The following EPG5 variants were observed in gnomAD, a reference collection of about 807,000 sequenced individuals.
The protein encoded by EPG5 is ectopic P-granules 5 autophagy tethering factor.
In EPG5, 159 loss-of-function variants were observed where a neutral mutation model predicts 302.7. The ratio of observed to expected loss-of-function variants is 0.53; its 90% confidence interval spans 0.46 to 0.60. EPG5 has a LOEUF of 0.60. Ranked by LOEUF, EPG5 falls within the 20% of genes least tolerant of loss-of-function variation. EPG5 has a pLI of 0.00. For missense variants in EPG5, 2,896 were observed against 3,092.4 expected (o/e 0.94, Z 1.51); for synonymous variants, 1,158 against 1,136.8 (o/e 1.02, Z -0.37).
In EPG5 at chr18:45,878,422, T is replaced by C; in HGVS notation, c.5896A>G (p.Ile1966Val). Residue 1966 changes from isoleucine (I) to valine (V), a missense_variant, in exon 34 of 44, where the codon ATT becomes GTT. Ile to Val is a conservative substitution (Grantham distance 29). Transcript: ENST00000282041. The stretch of plus-strand genomic sequence containing the variant: ...AGGATCCATGGCTTAAAGAGCTGAA[T>C]GATTACTGAATGTAGGGATTTCAGC... ...TVLKSLHSVI[I>V]QLFKPWILVL... is the part of the protein sequence containing the mutation. 6.2e-7 allele frequency: 1 copy of C among 1,612,630 alleles called. No homozygotes were observed.
rs2048423050 is a variant in EPG5 at position 45,851,585 on chromosome 18, T to G, written c.*882A>C. 6.6e-6 allele frequency: 1 copy of G among 152,218 alleles called. No homozygotes were observed. Among genetic ancestry groups the G allele is most frequent in the African/African-American group, 2.4e-5 (1 of 41,444 alleles). The allele number at this position is 152,218 out of a possible 1,614,324, so 9.4% of individuals were successfully genotyped here. The stretch of plus-strand genomic sequence containing the variant: ...TCCCTCAGTCTCTGTCTCCTGACAC[T>G]GAGCCTTTCAGATATCGAACATGGT... On this transcript the variant is annotated 3_prime_UTR_variant, in exon 44 of 44. Coordinates refer to ENST00000282041, the MANE Select transcript of EPG5 (RefSeq NM_020964.3).
At chr18:45,925,970 A>G (rs1268411720) in intron 13 of EPG5, 68 bp from the exon 14 acceptor site, 3 of 1,004,346 alleles carry the variant, frequency 3.0e-6, no homozygotes, top group South Asian at 4.5e-5. Context: ...CTACAATATT[A>G]TATTATTAAA....
chr18:45,933,625 C>G (rs1018215818), intron 11 of EPG5, among the ~76,000 whole-genome samples: 1 of 151,140 alleles, frequency 6.6e-6, no homozygotes, highest in Non-Finnish European at 1.5e-5. Flanking sequence ...TTGCAGGGAG[C>G]TGAAGTTGCA....
chr18:45,924,683 T>C (rs1405140176), intron 14 of EPG5, among the ~76,000 whole-genome samples: 1 of 152,242 alleles, frequency 6.6e-6, no homozygotes, highest in Non-Finnish European at 1.5e-5. Flanking sequence ...AGCAAACCCT[T>C]AATAATAACC....
At chr18:45,926,921 C>T (rs1320101487) in intron 13 of EPG5, among the ~76,000 whole-genome samples, 1 of 152,020 alleles carries the variant, frequency 6.6e-6, no homozygotes, top group African/African-American at 2.4e-5. Flanking sequence ...TGGAATTCAT[C>T]CACTAATCAC....
At chr18:45,870,514 C>T (rs1257877706) in intron 36 of EPG5, 53 bp downstream of exon 36, 11 of 1,533,438 alleles carry the variant, frequency 7.2e-6, no homozygotes, top group Non-Finnish European at 9.8e-6. Context: ...GACCAGGCTG[C>T]TCCCTAGAAG....
Position 45,870,585 on chromosome 18 carries a change from G to C in EPG5, c.6207C>G (p.Leu2069=). The C allele has an allele frequency of 6.2e-7, 1 of 1,613,490 alleles. No individual in the cohort carries two copies. The highest frequency in any genetic ancestry group is 8.5e-7 in the Non-Finnish European group (1 of 1,179,568). The change falls in exon 36 of 44, where the codon CTC becomes CTG. Residue 2069 remains leucine (L), a synonymous_variant. Transcript: ENST00000282041. ...PWKDLHPDQM[L]MEAFFKVERG... ...GGCTTACTTTGAAGAAGGCCTCCAT[G>C]AGCATCTGGTCAGGGTGCAGGTCCT...
chr18:45,960,876 G>GA (rs2051133439), intron 1 of EPG5, among the ~76,000 whole-genome samples: 1 of 151,976 alleles, frequency 6.6e-6, no homozygotes, highest in Admixed American at 6.6e-5. Flanking sequence ...TTCATCACTT[G>GA]AAAAAAACAT....
chr18:45,901,216 G>A (rs1390114861), intron 25 of EPG5, 49 bp from the exon 26 acceptor site: 1 of 1,518,540 alleles, frequency 6.6e-7, no homozygotes, highest in Non-Finnish European at 9.1e-7. Context: ...TGAATTAGCA[G>A]GAGAACAGAA....
intron 19 of EPG5, 142 bp downstream of exon 19, chr18:45,915,867 G>A (rs916474205): frequency 4.8e-6 from 4 of 830,302 alleles, no homozygotes; most frequent in East Asian, 5.3e-5. Flanking sequence ...TACGATTATC[G>A]GGATAAGGTA....
intron 1 of EPG5, 50 bp downstream of exon 1, chr18:45,967,127 G>A (rs1396680271): frequency 1.3e-6 from 2 of 1,537,562 alleles, no homozygotes; most frequent in Non-Finnish European, 8.8e-7. Flanking sequence ...AGAGGAGCAA[G>A]GAGACACAGC....
In EPG5 at chr18:45,917,672, CACTT is replaced by C. The variant is rs2050063658; in HGVS notation, c.3239+3_3239+6del. On this transcript the variant is annotated splice_donor_5th_base_variant and intron_variant, in intron 17 of 43. Coordinates refer to ENST00000282041, the MANE Select transcript of EPG5 (RefSeq NM_020964.3). ...AGTGTCTCCTGCCATAGATGGAACA[CACTT>C]ACTGCTCATTCTTCAGAAGGTAATA... is the stretch of plus-strand genomic sequence containing the variant. 1 of 1,613,912 alleles carries C rather than the reference CACTT, an allele frequency of 6.2e-7. No homozygotes were observed. Among genetic ancestry groups the C allele is most frequent in the African/African-American group, 1.3e-5 (1 of 74,922 alleles).
intron 12 of EPG5, 77 bp from the exon 13 acceptor site, chr18:45,929,086 C>A: frequency 7.1e-7 from 1 of 1,405,784 alleles, no homozygotes. Context: ...ATCATTTTTT[C>A]AAGCAAAGCA....
In EPG5 at chr18:45,957,483, CTT is replaced by C. The variant is rs1465955491; in HGVS notation, c.64-2147_64-2146del. ...CTATGCTGCAATGATGTTTAGCAAA[CTT>C]GCTGTAATAAACAGGGTTCTTAGAC... is the stretch of plus-strand genomic sequence containing the variant. On this transcript the variant is annotated intron_variant, in intron 1 of 43. Coordinates refer to ENST00000282041, the MANE Select transcript of EPG5 (RefSeq NM_020964.3). Among the ~76,000 whole-genome samples the C allele has an allele frequency of 2.6e-5, 4 of 152,166 alleles. No individual in the cohort carries two copies. In the East Asian group the frequency reaches 7.7e-4, roughly 29 times the overall value.
At chr18:45,961,625 C>A (rs1417888126) in intron 1 of EPG5, among the ~76,000 whole-genome samples, 1 of 152,180 alleles carries the variant, frequency 6.6e-6, no homozygotes, top group Non-Finnish European at 1.5e-5. Context: ...CTTTGGGAGG[C>A]CAAGGTAGGC....
the EPG5 span, chr18:45,837,678 T>A: frequency 6.7e-7 from 1 of 1,482,960 alleles, no homozygotes; most frequent in African/African-American, 1.5e-5. Context: ...CCGCAGGTGT[T>A]CCGCTGCGCT....
chr18:45,863,958 A>T (rs1304258301), intron 39 of EPG5, among the ~76,000 whole-genome samples: 1 of 152,184 alleles, frequency 6.6e-6, no homozygotes, highest in African/African-American at 2.4e-5. Context: ...TGTCTTCATC[A>T]GCCCTGAAAA....
At chr18:45,913,661 T>C in intron 21 of EPG5, 45 bp downstream of exon 21, 1 of 1,609,326 alleles carries the variant, frequency 6.2e-7, no homozygotes, top group Non-Finnish European at 8.5e-7. Context: ...AGCATCAAAG[T>C]GTAAGCCACC....
chr18:45,846,143 C>T (rs1236450974), downstream of EPG5, among the ~76,000 whole-genome samples: 1 of 152,148 alleles, frequency 6.6e-6, no homozygotes, highest in Non-Finnish European at 1.5e-5. Context: ...GTCCCGGCTC[C>T]AGTGCTGGCC....
Sources: allele counts gnomAD v4.1 joint callset (sites outside exome capture counted in the v4.1 genomes callset), GRCh38; gene constraint gnomAD v4.1.1; transcripts MANE v1.5; gene names NCBI Gene and HGNC (gene_info 2026-07-23, HGNC 2026-07-21).